The following IL1RAPL1 variants were observed in gnomAD, a reference collection of about 807,000 sequenced individuals.
IL1RAPL1 encodes the protein interleukin 1 receptor accessory protein like 1.
IL1RAPL1 carries 3 observed loss-of-function variants against 48.4 expected under a neutral mutation model. The ratio of observed to expected loss-of-function variants is 0.06; its 90% CI spans 0.03 to 0.16. The LOEUF is 0.16. IL1RAPL1 is among the 10% of genes least tolerant of loss of function. IL1RAPL1 has a pLI of 1.00. For synonymous variants in IL1RAPL1, 185 were observed against 187.7 expected, an observed-to-expected ratio of 0.99 and a Z score of 0.12; for missense variants, 349 against 530.6, an observed-to-expected ratio of 0.66 and a Z score of 3.36.
At chrX:29,693,234 A>G (rs1465108236) in intron 6 of IL1RAPL1, among the ~76,000 whole-genome samples, 2 of 112,219 alleles carry the variant, frequency 1.8e-5, no homozygotes, top group Non-Finnish European at 3.8e-5. Context: ...TCATTCACTG[A>G]GCCCTTCTGG....
At chrX:29,656,324 T>A (rs1925677164) in intron 5 of IL1RAPL1, among the ~76,000 whole-genome samples, 1 of 111,384 alleles carries the variant, frequency 9.0e-6, no homozygotes, top group African/African-American at 3.3e-5. Flanking sequence ...GTTACATGGG[T>A]ATGGTCTTTA....
chrX:29,685,846 ATGG>A (rs199851167), intron 6 of IL1RAPL1, among the ~76,000 whole-genome samples: 9,673 of 109,174 alleles, frequency 0.089, 868 homozygotes, highest in African/African-American at 0.25. Context: ...TTAGTCAGGC[ATGG>A]TGGTGGGTGC....
chrX:29,825,642 T>C (rs1930720040), intron 6 of IL1RAPL1, among the ~76,000 whole-genome samples: 1 of 112,067 alleles, frequency 8.9e-6, no homozygotes, highest in Non-Finnish European at 1.9e-5. Context: ...AAGAACTGGA[T>C]AATAAGTAGT....
At chrX:28,810,108 G>A (rs1445248588) in intron 2 of IL1RAPL1, among the ~76,000 whole-genome samples, 1 of 110,277 alleles carries the variant, frequency 9.1e-6, no homozygotes, top group Non-Finnish European at 1.9e-5. Flanking sequence ...AATTAAGTTC[G>A]AGATTCCTAT....
chrX:29,825,845 A>G (rs1271446713), intron 6 of IL1RAPL1, among the ~76,000 whole-genome samples: 1 of 111,700 alleles, frequency 9.0e-6, no homozygotes, highest in Non-Finnish European at 1.9e-5. Flanking sequence ...ATCTAAAAAT[A>G]ATTTTTGTCT....
At chrX:28,956,913 G>A (rs1414131878) in intron 2 of IL1RAPL1, among the ~76,000 whole-genome samples, 2 of 110,170 alleles carry the variant, frequency 1.8e-5, no homozygotes. Context: ...TGGTTGGTAA[G>A]CTATTGATTA....
intron 2 of IL1RAPL1, among the ~76,000 whole-genome samples, chrX:29,236,760 G>C (rs1931315794): frequency 9.7e-6 from 1 of 103,625 alleles, no homozygotes; most frequent in Non-Finnish European, 2.0e-5. Context: ...AGTAGAGACG[G>C]GGGTTTCACC....
rs34132994 is a variant in IL1RAPL1 at position 29,087,134 on chromosome X, A to ATT, written c.83-195783_83-195782dup. On this transcript the variant is annotated intron_variant, in intron 2 of 10. Coordinates refer to ENST00000378993, the MANE Select transcript of IL1RAPL1 (RefSeq NM_014271.4). ...ACATGACAGAGGACATTATTTAAAAATTTTTTTTTTTTTTTTTTTTTTGAG... is the reference window on the plus strand; with the variant it reads ...ACATGACAGAGGACATTATTTAAAAATTTTTTTTTTTTTTTTTTTTTTTTGAG... Among the ~76,000 whole-genome samples, 225 of 84,640 alleles carry ATT rather than the reference A, an allele frequency of 2.7e-3. 1 individual carries two copies. The highest frequency in any genetic ancestry group is 9.0e-3 in the African/African-American group (182 of 20,205). 73.5% of individuals were successfully genotyped at this position (84,640 alleles called of 115,157 possible).
intron 5 of IL1RAPL1, among the ~76,000 whole-genome samples, chrX:29,517,811 G>C (rs1056547326): frequency 8.9e-6 from 1 of 111,799 alleles, no homozygotes; most frequent in Non-Finnish European, 1.9e-5. Context: ...TTGGGCAGGT[G>C]GTGAGGAGGA....
chrX:29,465,985 T>C (rs970061322), intron 5 of IL1RAPL1, among the ~76,000 whole-genome samples: 4 of 112,335 alleles, frequency 3.6e-5, no homozygotes, highest in African/African-American at 1.3e-4. Flanking sequence ...ACAGCTCAGG[T>C]TGCCAAATTC....
intron 2 of IL1RAPL1, among the ~76,000 whole-genome samples, chrX:29,017,845 A>G (rs1926276180): frequency 9.0e-6 from 1 of 111,696 alleles, no homozygotes; most frequent in African/African-American, 3.2e-5. Flanking sequence ...CATTTTAAAA[A>G]TAGTTGATAT....
intron 2 of IL1RAPL1, among the ~76,000 whole-genome samples, chrX:28,844,278 G>T (rs1921451716): frequency 9.5e-6 from 1 of 105,314 alleles, no homozygotes; most frequent in African/African-American, 3.4e-5. Flanking sequence ...TTCAAATTTG[G>T]TGGGGGTTTA....
At chrX:28,732,697 C>T (rs926058782) in intron 1 of IL1RAPL1, among the ~76,000 whole-genome samples, 1 of 110,471 alleles carries the variant, frequency 9.1e-6, no homozygotes, top group Non-Finnish European at 1.9e-5. Context: ...TGGTAAAACC[C>T]ATCTCTACTA....
intron 2 of IL1RAPL1, among the ~76,000 whole-genome samples, chrX:29,178,729 G>A (rs1183618943): frequency 8.9e-6 from 1 of 111,903 alleles, no homozygotes; most frequent in African/African-American, 3.2e-5. Context: ...ATGGTTTTAG[G>A]TCTAACATTT....
intron 5 of IL1RAPL1, among the ~76,000 whole-genome samples, chrX:29,511,339 G>A (rs1935391247): frequency 9.0e-6 from 1 of 111,583 alleles, no homozygotes; most frequent in African/African-American, 3.3e-5. Context: ...ACCCTGGTTT[G>A]CGTATGTGCC....
chrX:29,088,961 C>T (rs962743737), intron 2 of IL1RAPL1, among the ~76,000 whole-genome samples: 3 of 111,249 alleles, frequency 2.7e-5, no homozygotes, highest in East Asian at 2.8e-4. Flanking sequence ...CTTCAGTGTT[C>T]GCCAGTTGTC....
chrX:29,317,884 T>G (rs1932775728), intron 3 of IL1RAPL1, among the ~76,000 whole-genome samples: 1 of 112,075 alleles, frequency 8.9e-6, no homozygotes. Flanking sequence ...GAGGTAACAT[T>G]AATATATGTG....
intron 2 of IL1RAPL1, among the ~76,000 whole-genome samples, chrX:29,161,711 A>T (rs1009190287): frequency 1.8e-5 from 2 of 112,127 alleles, no homozygotes; most frequent in Non-Finnish European, 3.8e-5. Context: ...ATCTGTTGAG[A>T]TGCTGGCAAG....
intron 5 of IL1RAPL1, among the ~76,000 whole-genome samples, chrX:29,631,407 G>T (rs1924771058): frequency 9.0e-6 from 1 of 110,958 alleles, no homozygotes; most frequent in South Asian, 3.8e-4. Flanking sequence ...TGGTAGCTGG[G>T]ACTACATACG....
Sources: allele counts gnomAD v4.1 joint callset (sites outside exome capture counted in the v4.1 genomes callset), GRCh38; gene constraint gnomAD v4.1.1; transcripts MANE v1.5; gene names NCBI Gene and HGNC (gene_info 2026-07-23, HGNC 2026-07-21).